Variants in GSTA3 observed in about 807,000 individuals in gnomAD.
GSTA3 encodes glutathione S-transferase A3.
A neutral mutation model predicts 23.1 loss-of-function variants in GSTA3; 16 were observed. The observed-to-expected ratio is 0.69, with a 90% CI of 0.47 to 1.05. The LOEUF is 1.05. GSTA3 is among the 50% of genes least tolerant of loss of function. The pLI is 0.00. For synonymous variants in GSTA3, 122 were observed against 91.0 expected, an observed-to-expected ratio of 1.34 and a Z score of -1.94; for missense variants, 319 against 263.6, an observed-to-expected ratio of 1.21 and a Z score of -1.46.
intron 1 of GSTA3, 109 bp from the exon 2 acceptor site, chr6:52,905,964 A>G (rs1025304132): frequency 1.9e-6 from 1 of 527,762 alleles, no homozygotes; most frequent in Non-Finnish European, 3.3e-6. Context: ...CCTTCCTCAT[A>G]GCAGGATTGT....
chr6:52,900,967 T>C (rs1015973624), intron 4 of GSTA3, among the ~76,000 whole-genome samples: 1 of 152,216 alleles, frequency 6.6e-6, no homozygotes, highest in African/African-American at 2.4e-5. Flanking sequence ...TGCCCAACTC[T>C]AGCCATGTGT....
intron 5 of GSTA3, among the ~76,000 whole-genome samples, chr6:52,898,946 G>C (rs894093254): frequency 6.6e-6 from 1 of 152,188 alleles, no homozygotes; most frequent in Admixed American, 6.5e-5. Flanking sequence ...CTAATTTAAA[G>C]AGAATGACGG....
chr6:52,908,189 C>G (rs1178439646), intron 1 of GSTA3, among the ~76,000 whole-genome samples: 1 of 147,934 alleles, frequency 6.8e-6, no homozygotes, highest in Non-Finnish European at 1.5e-5. Flanking sequence ...TTGCCTATAG[C>G]GCTCACTGTT....
Position 52,905,792 on chromosome 6 carries a change from T to A in GSTA3, c.43A>T (p.Arg15Ter). ...AAGAGCCACCGGATGGGCTCCATTC[T>A]GCCCCGTCCATTGAAGTAGTGAAGC... Reference protein sequence around the residue: ...PKLHYFNGRGRMEPIRWLLAA... With the variant: ...PKLHYFNGRG Residue 15 changes from arginine (R) to a stop codon, truncating the protein, a stop_gained, in exon 2 of 7, where the codon AGA (arginine) becomes TGA (stop). Coordinates refer to ENST00000211122, the MANE Select transcript of GSTA3 (RefSeq NM_000847.5). LOFTEE classifies it high-confidence loss of function. 1 of 1,611,352 alleles carries A rather than the reference T, an allele frequency of 6.2e-7. No individual in the cohort carries two copies. Among genetic ancestry groups the A allele is most frequent in the Non-Finnish European group, 8.5e-7 (1 of 1,178,264 alleles).
intron 5 of GSTA3, 48 bp downstream of exon 5, chr6:52,899,886 A>C: frequency 6.3e-7 from 1 of 1,594,318 alleles, no homozygotes; most frequent in East Asian, 2.2e-5. Flanking sequence ...CTATTTTTCT[A>C]CTGGCCTCTA....
intron 2 of GSTA3, among the ~76,000 whole-genome samples, chr6:52,904,387 G>A (rs536771989): frequency 6.6e-6 from 1 of 152,316 alleles, no homozygotes; most frequent in African/African-American, 2.4e-5. Flanking sequence ...CAGAGCTGAT[G>A]TCTGGGTGAC....
intron 3 of GSTA3, among the ~76,000 whole-genome samples, chr6:52,902,752 G>A (rs45583139): frequency 5.5e-4 from 84 of 152,148 alleles, no homozygotes; most frequent in African/African-American, 1.9e-3. Flanking sequence ...TTGATTTATC[G>A]TCATGATATT....
intron 1 of GSTA3, among the ~76,000 whole-genome samples, chr6:52,908,291 G>A (rs1765964435): frequency 6.6e-6 from 1 of 152,020 alleles, no homozygotes; most frequent in South Asian, 2.1e-4. Flanking sequence ...GAAGGCTGAG[G>A]AGGGAAGATT....
intron 4 of GSTA3, among the ~76,000 whole-genome samples, chr6:52,900,449 G>A (rs1159937853): frequency 6.6e-6 from 1 of 151,896 alleles, no homozygotes; most frequent in Non-Finnish European, 1.5e-5. Flanking sequence ...TTTTAGTAGA[G>A]ATAGGATTTC....
intron 6 of GSTA3, 90 bp downstream of exon 6, chr6:52,897,735 G>A (rs530001118): frequency 5.9e-5 from 87 of 1,469,750 alleles, no homozygotes; most frequent in Non-Finnish European, 1.7e-5. Context: ...AAAGGCTGGG[G>A]TCAGAACATG....
Position 52,899,916 on chromosome 6 carries a change from C to T in GSTA3, c.414+18G>A. The T allele has an allele frequency of 6.2e-7, 1 of 1,613,728 alleles. No homozygotes were observed. The highest frequency in any genetic ancestry group is 1.3e-5 in the African/African-American group (1 of 75,034). ...CCTCTAAACTCAGTGCCCCAAAATGCTGAACAGCTTCACCTACTTTTTCGA... is the reference window on the plus strand; with the variant it reads ...CCTCTAAACTCAGTGCCCCAAAATGTTGAACAGCTTCACCTACTTTTTCGA... On this transcript the variant is annotated intron_variant, in intron 5 of 6. Transcript: ENST00000211122.
At chr6:52,901,575 C>A (rs776896870) in intron 4 of GSTA3, among the ~76,000 whole-genome samples, 2 of 152,090 alleles carry the variant, frequency 1.3e-5, no homozygotes, top group African/African-American at 2.4e-5. Context: ...TGAAAATTGC[C>A]GTTATTTGCA....
intron 2 of GSTA3, among the ~76,000 whole-genome samples, chr6:52,905,087 G>A (rs540049693): frequency 6.6e-6 from 1 of 152,244 alleles, no homozygotes; most frequent in South Asian, 2.1e-4. Context: ...GTGGTTTATA[G>A]TTTATGTTTA....
At chr6:52,904,694 C>T (rs114487812) in intron 2 of GSTA3, among the ~76,000 whole-genome samples, 247 of 152,256 alleles carry the variant, frequency 1.6e-3, no homozygotes, top group African/African-American at 5.7e-3. Flanking sequence ...AACCCTCAGG[C>T]AGTTAGTTAC....
rs1012427202 is a variant in GSTA3, at chr6:52,896,697, G to T, written c.*109C>A. 3.2e-6 allele frequency: 4 copies of T among 1,251,308 alleles called. No individual in the cohort carries two copies. The highest frequency in any genetic ancestry group is 4.4e-5 in the Admixed American group (2 of 45,204). The allele number at this position is 1,251,308 out of a possible 1,614,324, so 77.5% of individuals were successfully genotyped here. On this transcript the variant is annotated 3_prime_UTR_variant, in exon 7 of 7. Coordinates refer to ENST00000211122, the MANE Select transcript of GSTA3 (RefSeq NM_000847.5). ...ATTTAATTAGCATATAATTGGAAAG[G>T]GTTCATTAGCTTTACAACAGGCACA...
rs568848931 is a variant in GSTA3 at position 52,897,898 on chromosome 6, A to T, written c.473T>A (p.Ile158Asn). ...ATAGTAGAGAAGTTCCACCAGGCTAATGTCAGCCCGGCTCAGCTTGTTGCC... is the reference window on the plus strand; with the variant it reads ...ATAGTAGAGAAGTTCCACCAGGCTATTGTCAGCCCGGCTCAGCTTGTTGCC... ...LVGNKLSRAD[I>N]SLVELLYYVE... Residue 158 changes from isoleucine to asparagine, a missense_variant, in exon 6 of 7, where the codon ATT becomes AAT. By Grantham distance (149) the Ile-to-Asn change is moderately radical (BLOSUM62 -3). Coordinates refer to ENST00000211122, the MANE Select transcript of GSTA3 (RefSeq NM_000847.5). The T allele has an allele frequency of 6.2e-7, 1 of 1,614,012 alleles. No homozygotes were observed. The highest frequency in any genetic ancestry group is 1.1e-5 in the South Asian group (1 of 91,074).
intron 5 of GSTA3, among the ~76,000 whole-genome samples, chr6:52,898,343 T>A (rs892562819): frequency 4.6e-5 from 7 of 152,114 alleles, no homozygotes; most frequent in African/African-American, 1.7e-4. Flanking sequence ...CCAATCTCCC[T>A]TGGGCAGTGA....
At chr6:52,898,568 T>C (rs1362241592) in intron 5 of GSTA3, among the ~76,000 whole-genome samples, 1 of 152,208 alleles carries the variant, frequency 6.6e-6, no homozygotes, top group East Asian at 1.9e-4. Flanking sequence ...AACTTGGGTA[T>C]AAGTGGTATC....
chr6:52,907,651 T>G (rs1328205844), intron 1 of GSTA3, among the ~76,000 whole-genome samples: 4 of 151,704 alleles, frequency 2.6e-5, no homozygotes, highest in Non-Finnish European at 5.9e-5. Context: ...CCATAAAAAA[T>G]GATGAGTTCA....
Sources: allele counts gnomAD v4.1 joint callset (sites outside exome capture counted in the v4.1 genomes callset), GRCh38; gene constraint gnomAD v4.1.1; transcripts MANE v1.5; gene names NCBI Gene and HGNC (gene_info 2026-07-23, HGNC 2026-07-21).